The following SDK2 variants were observed in gnomAD, a reference collection of about 807,000 sequenced individuals.
SDK2 encodes protein sidekick-2.
SDK2 carries 105 observed loss-of-function variants against 253.9 expected under a neutral mutation model. The observed-to-expected ratio is 0.41, with a 90% CI of 0.35 to 0.49. SDK2 has a LOEUF of 0.49. SDK2 is among the 20% of genes least tolerant of loss of function. The pLI is 0.06. For missense variants in SDK2, 2,608 were observed against 3,003.0 expected, an observed-to-expected ratio of 0.87 and a Z score of 3.07; for synonymous variants, 1,249 against 1,234.9, an observed-to-expected ratio of 1.01 and a Z score of -0.24.
chr17:73,342,440 G>A (rs2062446676), intron 44 of SDK2, among the ~76,000 whole-genome samples: 1 of 152,222 alleles, frequency 6.6e-6, no homozygotes, highest in Non-Finnish European at 1.5e-5. Flanking sequence ...ATGCTGGGCC[G>A]AGTGAGGCTG....
At position 73,350,232 on chromosome 17, in the gene SDK2, AGTAC is replaced by A. The variant is rs765259732; in HGVS notation, c.6038+1_6038+4del. 9.4e-6 allele frequency: 6 copies of A among 640,828 alleles called. No homozygotes were observed. The highest frequency in any genetic ancestry group is 6.7e-5 in the Admixed American group (1 of 15,030). 39.7% of individuals were successfully genotyped at this position (640,828 alleles called of 1,614,324 possible). On this transcript the variant is annotated splice_donor_variant and splice_donor_region_variant and intron_variant, in intron 43 of 44. Transcript: ENST00000392650. LOFTEE classifies it high-confidence loss of function. ...GGCCCCCAACCCACGCAGAGGGCCC[AGTAC>A]CTGGTGTACAGGCCGTTCTTTCGGC...
intron 32 of SDK2, among the ~76,000 whole-genome samples, chr17:73,385,224 C>G (rs1430714088): frequency 6.6e-6 from 1 of 152,162 alleles, no homozygotes; most frequent in African/African-American, 2.4e-5. Flanking sequence ...TCAGAGGGCA[C>G]AGGAGGGCTC....
At chr17:73,425,306 G>C (rs1055011447) in intron 12 of SDK2, among the ~76,000 whole-genome samples, 1 of 152,076 alleles carries the variant, frequency 6.6e-6, no homozygotes, top group Non-Finnish European at 1.5e-5. Flanking sequence ...AAAAAAGAAA[G>C]GAAAAGAAAA....
intron 9 of SDK2, 78 bp from the exon 10 acceptor site, chr17:73,433,926 C>T: frequency 1.0e-6 from 1 of 1,001,302 alleles, no homozygotes; most frequent in Non-Finnish European, 1.4e-6. Flanking sequence ...GGCCTCCAAG[C>T]CCACCGAGGG....
rs1383851662 is a variant in SDK2 at position 73,509,822 on chromosome 17, C to T, written c.65-2225G>A. On this transcript the variant is annotated intron_variant, in intron 1 of 44. Transcript: ENST00000392650. ...GGCTGAGGCAGGAGAATCGCTTAAA[C>T]TCAGGAGGCGGAGGTTGCAGTGAGC... 2.1e-5 allele frequency among the ~76,000 whole-genome samples: 3 copies of T among 143,660 alleles called. No individual in the cohort carries two copies. The East Asian group carries it at 6.3e-4, about 30-fold the overall frequency. 94.2% of individuals were successfully genotyped at this position (143,660 alleles called of 152,430 possible).
Position 73,334,871 on chromosome 17 carries a change from G to C in SDK2, c.*3716C>G, listed in dbSNP as rs2062366285. The C allele has an allele frequency of 6.6e-6, 1 of 152,448 alleles. No homozygotes were observed. The allele number at this position is 152,448 out of a possible 1,614,324, so 9.4% of individuals were successfully genotyped here. ...TCCTGCCCACCAGCCCCTCACCCAG[G>C]GTAGGCACCTTCAGATGTGCACTCT... On this transcript the variant is annotated 3_prime_UTR_variant, in exon 45 of 45. Coordinates refer to ENST00000392650, the MANE Select transcript of SDK2 (RefSeq NM_001144952.2).
intron 2 of SDK2, among the ~76,000 whole-genome samples, chr17:73,477,735 G>A (rs1407005609): frequency 2.6e-5 from 4 of 152,128 alleles, no homozygotes; most frequent in East Asian, 3.9e-4. Context: ...GGAGCATGGA[G>A]TCCCCTGCCT....
Position 73,379,763 on chromosome 17 carries a change from T to C in SDK2, c.4763-214A>G, listed in dbSNP as rs922058817. Among the ~76,000 whole-genome samples, 1 of 152,102 alleles carries C rather than the reference T, an allele frequency of 6.6e-6. No individual in the cohort carries two copies. The highest frequency in any genetic ancestry group is 1.5e-5 in the Non-Finnish European group (1 of 68,006). On this transcript the variant is annotated intron_variant, in intron 34 of 44. Coordinates refer to ENST00000392650, the MANE Select transcript of SDK2 (RefSeq NM_001144952.2). This position sits in a 1 kb window ranked among gnomAD's most constrained non-coding sequence, Gnocchi z 4.5. ...ACATAGGGCAATGCTGGTTGGCCTCTTGGCCTAGGGTGGCCGTACATTTTA... is the reference window on the plus strand; with the variant it reads ...ACATAGGGCAATGCTGGTTGGCCTCCTGGCCTAGGGTGGCCGTACATTTTA...
At chr17:73,588,312 G>A (rs369542733) in intron 1 of SDK2, among the ~76,000 whole-genome samples, 1 of 150,032 alleles carries the variant, frequency 6.7e-6, no homozygotes, top group African/African-American at 2.5e-5. Context: ...ATTTGAATCC[G>A]GGAGGTGGAG....
intron 1 of SDK2, among the ~76,000 whole-genome samples, chr17:73,588,346 CT>C (rs2045633560): frequency 7.1e-6 from 1 of 140,294 alleles, no homozygotes; most frequent in South Asian, 2.2e-4. Flanking sequence ...GAGATCGCGC[CT>C]TTGCACACCA....
chr17:73,589,921 C>T (rs1400362117), intron 1 of SDK2, among the ~76,000 whole-genome samples: 3 of 152,184 alleles, frequency 2.0e-5, no homozygotes, highest in East Asian at 1.9e-4. Context: ...AAAAGGGGAG[C>T]GCCTTAAAGA....
intron 1 of SDK2, among the ~76,000 whole-genome samples, chr17:73,617,305 G>A (rs2046073455): frequency 6.6e-6 from 1 of 150,896 alleles, no homozygotes; most frequent in Middle Eastern, 3.5e-3. Context: ...CTCCTGCAGA[G>A]GGGAGGGGAG....
intron 1 of SDK2, among the ~76,000 whole-genome samples, chr17:73,508,976 C>CG (rs1360451103): frequency 2.0e-5 from 3 of 152,176 alleles, no homozygotes; most frequent in Admixed American, 6.5e-5. Flanking sequence ...CAGCAGCCGG[C>CG]GGGGAGGAGT....
In SDK2 at chr17:73,336,304, C is replaced by CA. The variant is rs2062377569; in HGVS notation, c.*2282dup. On this transcript the variant is annotated 3_prime_UTR_variant, in exon 45 of 45. Coordinates refer to ENST00000392650, the MANE Select transcript of SDK2 (RefSeq NM_001144952.2). Reference sequence around the variant, plus strand: ...CTGCAGAGGGTGGGGGCGGAGGTGGCAGGGGTGGAGCAGGTGTCCAGCTGA... The same window carrying CA: ...CTGCAGAGGGTGGGGGCGGAGGTGGCAAGGGGTGGAGCAGGTGTCCAGCTGA... The CA allele has an allele frequency of 6.6e-6, 1 of 152,110 alleles. No homozygotes were observed. The highest frequency in any genetic ancestry group is 2.1e-4 in the South Asian group (1 of 4,830). The allele number at this position is 152,110 out of a possible 1,614,324, so 9.4% of individuals were successfully genotyped here.
chr17:73,499,300 G>T (rs142969370), intron 2 of SDK2, among the ~76,000 whole-genome samples: 301 of 152,354 alleles, frequency 2.0e-3, no homozygotes, highest in Middle Eastern at 0.014. Context: ...CATGTGCAGG[G>T]CTTCTCTGCC....
chr17:73,498,910 C>T (rs542480215), intron 2 of SDK2, among the ~76,000 whole-genome samples: 1 of 152,318 alleles, frequency 6.6e-6, no homozygotes, highest in Non-Finnish European at 1.5e-5. Flanking sequence ...CTGGGTGAAA[C>T]CTGACTCCGT....
chr17:73,557,342 G>T (rs570346135), intron 1 of SDK2, among the ~76,000 whole-genome samples: 7 of 150,772 alleles, frequency 4.6e-5, no homozygotes, highest in Admixed American at 6.6e-5. Context: ...CTTGCCTGTC[G>T]CCCAGGCTGG....
chr17:73,483,509 GTA>G (rs1294684730), intron 2 of SDK2, among the ~76,000 whole-genome samples: 66 of 48,880 alleles, frequency 1.4e-3, no homozygotes, highest in African/African-American at 2.3e-3. Flanking sequence ...GTGTGTGTGT[GTA>G]TGTGTGTGTG....
rs552891332 is a variant in SDK2, at chr17:73,639,301, G to A, written c.64+4724C>T. Among the ~76,000 whole-genome samples, 2 of 152,242 alleles carry A rather than the reference G, an allele frequency of 1.3e-5. No homozygotes were observed. Among genetic ancestry groups the A allele is most frequent in the East Asian group, 3.9e-4 (2 of 5,138 alleles). On this transcript the variant is annotated intron_variant, in intron 1 of 44. Transcript: ENST00000392650. The surrounding 1 kb of genome is among the most constrained non-coding windows in gnomAD (Gnocchi z 4.3). Reference sequence around the variant, plus strand: ...AAGAGGCTTTTTGGTCCAGGCACCAGGCCCAGGGAGTCTGAGGGGACAAGC... The same window carrying A: ...AAGAGGCTTTTTGGTCCAGGCACCAAGCCCAGGGAGTCTGAGGGGACAAGC...
Sources: gnomAD v4.1 joint callset for allele counts (sites outside exome capture counted in the v4.1 genomes callset) on GRCh38, gnomAD v4.1.1 for gene constraint, Gnocchi (gnomAD v3.1) non-coding constraint, MANE v1.5 for transcripts, NCBI Gene and HGNC (gene_info 2026-07-23, HGNC 2026-07-21) for gene names.